The following IL1RAPL2 variants were observed in gnomAD, a reference collection of about 807,000 sequenced individuals.
IL1RAPL2 encodes the protein interleukin 1 receptor accessory protein like 2.
Under a neutral mutation model 44.1 loss-of-function variants are expected in IL1RAPL2, and 3 were observed. The ratio of observed to expected loss-of-function variants is 0.07; its 90% CI spans 0.03 to 0.18. The LOEUF is 0.18. Ranked by LOEUF, IL1RAPL2 falls within the 10% of genes least tolerant of loss-of-function variation. The pLI is 1.00. For synonymous variants in IL1RAPL2, 181 were observed against 178.8 expected (o/e 1.01, Z -0.10); for missense variants, 391 against 496.4 (o/e 0.79, Z 2.02).
At chrX:104,674,271 C>T (rs1930689239) in intron 2 of IL1RAPL2, among the ~76,000 whole-genome samples, 1 of 111,443 alleles carries the variant, frequency 9.0e-6, no homozygotes, top group Non-Finnish European at 1.9e-5. Context: ...GAAATACGTC[C>T]CATCATTACC....
chrX:104,758,033 G>A (rs780897300), intron 2 of IL1RAPL2, among the ~76,000 whole-genome samples: 2 of 111,925 alleles, frequency 1.8e-5, no homozygotes, highest in African/African-American at 3.2e-5. Context: ...TAGATAAAAT[G>A]TGCCTGGACG....
chrX:105,696,409 T>C (rs1436519344), intron 6 of IL1RAPL2, among the ~76,000 whole-genome samples: 1 of 111,407 alleles, frequency 9.0e-6, no homozygotes, highest in Non-Finnish European at 1.9e-5. Context: ...TCTGAAGGGA[T>C]GTGGTTGATC....
intron 5 of IL1RAPL2, among the ~76,000 whole-genome samples, chrX:105,436,983 A>C (rs1340194230): frequency 9.4e-6 from 1 of 106,435 alleles, no homozygotes; most frequent in Non-Finnish European, 1.9e-5. Context: ...ATTGATTTTT[A>C]CATCAAAATT....
chrX:104,791,433 G>A (rs975808508), intron 2 of IL1RAPL2, among the ~76,000 whole-genome samples: 1 of 111,621 alleles, frequency 9.0e-6, no homozygotes, highest in Admixed American at 9.6e-5. Context: ...CCAGTGCTGG[G>A]CTTTGTGAGC....
chrX:105,336,371 C>A (rs1219748352), intron 5 of IL1RAPL2, among the ~76,000 whole-genome samples: 1 of 112,425 alleles, frequency 8.9e-6, no homozygotes, highest in Non-Finnish European at 1.9e-5. Context: ...TGCTATGAAT[C>A]CTTCAAAGCA....
At chrX:105,204,739 ATTAC>A (rs1189955402) in intron 3 of IL1RAPL2, among the ~76,000 whole-genome samples, 1 of 111,568 alleles carries the variant, frequency 9.0e-6, no homozygotes, top group Non-Finnish European at 1.9e-5. Flanking sequence ...TCTCAGTTTT[ATTAC>A]TTACGAATTG....
At chrX:104,821,649 T>G (rs1409671215) in intron 2 of IL1RAPL2, among the ~76,000 whole-genome samples, 1 of 112,422 alleles carries the variant, frequency 8.9e-6, no homozygotes, top group African/African-American at 3.2e-5. Context: ...CTATCATTGA[T>G]GAGCATTTGG....
At chrX:105,145,018 A>G (rs1013203281) in intron 2 of IL1RAPL2, among the ~76,000 whole-genome samples, 3 of 111,528 alleles carry the variant, frequency 2.7e-5, no homozygotes, top group Non-Finnish European at 5.6e-5. Context: ...TGTGTCCCCA[A>G]CACATGAAAG....
intron 2 of IL1RAPL2, among the ~76,000 whole-genome samples, chrX:104,824,317 A>T (rs1921392546): frequency 8.9e-6 from 1 of 111,911 alleles, no homozygotes; most frequent in Non-Finnish European, 1.9e-5. Context: ...TTTTGCATCG[A>T]TGTTCATCAG....
intron 2 of IL1RAPL2, among the ~76,000 whole-genome samples, chrX:105,186,525 T>C (rs1160736747): frequency 9.0e-6 from 1 of 111,416 alleles, no homozygotes; most frequent in Non-Finnish European, 1.9e-5. Context: ...AGTCAGCCTG[T>C]CTAGAGCAGG....
chrX:105,305,780 T>C (rs2034731950), intron 5 of IL1RAPL2, among the ~76,000 whole-genome samples: 1 of 111,776 alleles, frequency 8.9e-6, no homozygotes, highest in African/African-American at 3.2e-5. Context: ...TTTAGAAATA[T>C]TTTATAAGAG....
chrX:104,997,419 TTG>T (rs752788508), intron 2 of IL1RAPL2, among the ~76,000 whole-genome samples: 141 of 111,809 alleles, frequency 1.3e-3, no homozygotes, highest in African/African-American at 4.5e-3. Context: ...TGGCTTATAT[TTG>T]TGTTTTACAT....
intron 6 of IL1RAPL2, among the ~76,000 whole-genome samples, chrX:105,572,463 T>G (rs760717153): frequency 1.4e-4 from 16 of 112,218 alleles, no homozygotes; most frequent in African/African-American, 4.8e-4. Flanking sequence ...TGGTGATGAC[T>G]TTTATATATT....
intron 2 of IL1RAPL2, among the ~76,000 whole-genome samples, chrX:105,085,408 A>G (rs994050799): frequency 1.8e-5 from 2 of 112,491 alleles, no homozygotes; most frequent in South Asian, 7.3e-4. Context: ...AATGGCAAGT[A>G]AATACATGGA....
intron 5 of IL1RAPL2, among the ~76,000 whole-genome samples, chrX:105,473,340 T>C (rs1184820558): frequency 2.7e-5 from 3 of 111,894 alleles, no homozygotes; most frequent in Admixed American, 9.5e-5. Flanking sequence ...AATGTAAAGC[T>C]GACATGGAGG....
At chrX:104,780,967 T>C (rs1932768191) in intron 2 of IL1RAPL2, among the ~76,000 whole-genome samples, 1 of 111,833 alleles carries the variant, frequency 8.9e-6, no homozygotes, top group Non-Finnish European at 1.9e-5. Flanking sequence ...AACTTCTATA[T>C]CATTTGCAAT....
At chrX:105,176,707 G>T (rs1380026687) in intron 2 of IL1RAPL2, among the ~76,000 whole-genome samples, 4 of 110,753 alleles carry the variant, frequency 3.6e-5, no homozygotes, top group South Asian at 3.9e-4. Flanking sequence ...GGGTGGGGCT[G>T]CTTCTGGGGG....
At chrX:104,730,685 G>A (rs1437276265) in intron 2 of IL1RAPL2, among the ~76,000 whole-genome samples, 8 of 105,872 alleles carry the variant, frequency 7.6e-5, no homozygotes, top group South Asian at 4.4e-4. Flanking sequence ...ATAAACATAC[G>A]TGTGCATGTG....
At chrX:104,976,730 G>A (rs1473364096) in intron 2 of IL1RAPL2, among the ~76,000 whole-genome samples, 1 of 110,451 alleles carries the variant, frequency 9.1e-6, no homozygotes, top group Non-Finnish European at 1.9e-5. Flanking sequence ...GTTTCCAGGG[G>A]TTCTCCAAAT....
Sources: gnomAD v4.1 joint callset for allele counts (sites outside exome capture counted in the v4.1 genomes callset) on GRCh38, gnomAD v4.1.1 for gene constraint, MANE v1.5 for transcripts, NCBI Gene and HGNC (gene_info 2026-07-23, HGNC 2026-07-21) for gene names.